The following PLCL2 variants were observed in gnomAD, a reference collection of about 807,000 sequenced individuals.
The protein encoded by PLCL2 is phospholipase C like 2, also known as inactive phospholipase C-like protein 2.
Under a neutral mutation model 79.6 loss-of-function variants are expected in PLCL2, and 4 were observed. The ratio of observed to expected loss-of-function variants is 0.05; its 90% CI spans 0.02 to 0.11. The LOEUF (loss-of-function observed/expected upper bound fraction) is 0.11. PLCL2 is among the 10% of genes least tolerant of loss of function. The pLI, the probability that PLCL2 is intolerant of heterozygous loss-of-function variation, is 1.00. For missense variants in PLCL2, 895 were observed against 1,291.0 expected (o/e 0.69, Z 4.70); for synonymous variants, 484 against 457.7 (o/e 1.06, Z -0.73).
At chr3:16,891,079 T>C (rs1031473243) in intron 1 of PLCL2, among the ~76,000 whole-genome samples, 1 of 152,214 alleles carries the variant, frequency 6.6e-6, no homozygotes, top group Non-Finnish European at 1.5e-5. Flanking sequence ...TCAGCTGGGC[T>C]GCATCCTGTG....
At chr3:16,944,700 A>G (rs988569784) in intron 1 of PLCL2, among the ~76,000 whole-genome samples, 9 of 152,120 alleles carry the variant, frequency 5.9e-5, no homozygotes, top group Non-Finnish European at 1.2e-4. Flanking sequence ...CTGTAAGAAA[A>G]TAAAGTCATG....
chr3:17,014,613 G>A (rs1473901051), intron 2 of PLCL2, 95 bp from the exon 3 acceptor site: 6 of 928,138 alleles, frequency 6.5e-6, no homozygotes, highest in African/African-American at 4.9e-5. Flanking sequence ...TTTGTACCAG[G>A]TGGTTCAAGC....
At chr3:17,016,571 G>C (rs763393612) in intron 3 of PLCL2, among the ~76,000 whole-genome samples, 1 of 152,168 alleles carries the variant, frequency 6.6e-6, no homozygotes, top group Non-Finnish European at 1.5e-5. Context: ...CCATCCTCGG[G>C]GAGCCATCAA....
At chr3:16,997,459 A>T (rs573203987) in intron 1 of PLCL2, among the ~76,000 whole-genome samples, 3 of 152,170 alleles carry the variant, frequency 2.0e-5, no homozygotes, top group African/African-American at 7.2e-5. Context: ...CCTTTTATGT[A>T]ATTCATTATT....
At chr3:16,920,747 G>A (rs1697107117) in intron 1 of PLCL2, among the ~76,000 whole-genome samples, 1 of 152,160 alleles carries the variant, frequency 6.6e-6, no homozygotes, top group Admixed American at 6.5e-5. Flanking sequence ...CTCAAATACT[G>A]TGAATAAATA....
intron 4 of PLCL2, among the ~76,000 whole-genome samples, chr3:17,061,272 G>C (rs1220135375): frequency 6.6e-6 from 1 of 152,072 alleles, no homozygotes; most frequent in Non-Finnish European, 1.5e-5. Flanking sequence ...GCCTCTTTTT[G>C]ATATCTTTTT....
intron 1 of PLCL2, among the ~76,000 whole-genome samples, chr3:16,899,956 T>TGA (rs1242660723): frequency 6.6e-6 from 1 of 152,136 alleles, no homozygotes; most frequent in Non-Finnish European, 1.5e-5. Context: ...TTGAATATCA[T>TGA]GTTTTAGTTT....
At chr3:16,971,456 G>A (rs11128811) in intron 1 of PLCL2, among the ~76,000 whole-genome samples, 61,725 of 151,906 alleles carry the variant, frequency 0.41, 13,374 homozygotes, top group East Asian at 0.56. Flanking sequence ...CTGTAGCCTT[G>A]TAGTATAGTT....
chr3:17,037,175 A>G (rs531805833), intron 3 of PLCL2, among the ~76,000 whole-genome samples: 1 of 152,318 alleles, frequency 6.6e-6, no homozygotes, highest in South Asian at 2.1e-4. Flanking sequence ...CCTGGAGTCC[A>G]GAGAAGCAAG....
intron 1 of PLCL2, among the ~76,000 whole-genome samples, chr3:16,891,968 T>C (rs1420175763): frequency 6.6e-6 from 1 of 152,262 alleles, no homozygotes; most frequent in Non-Finnish European, 1.5e-5. Flanking sequence ...TGTATCTCCA[T>C]ACAGTCCTTC....
chr3:16,897,989 A>T (rs1575516547), intron 1 of PLCL2, among the ~76,000 whole-genome samples: 1 of 149,866 alleles, frequency 6.7e-6, no homozygotes, highest in Admixed American at 6.6e-5. Flanking sequence ...TTTTTAGGTC[A>T]TTTTTTTTTT....
chr3:16,939,387 G>C (rs1434590731), intron 1 of PLCL2, among the ~76,000 whole-genome samples: 3 of 152,204 alleles, frequency 2.0e-5, no homozygotes, highest in Non-Finnish European at 4.4e-5. Flanking sequence ...TCATGGGTAT[G>C]AGCTCTGCTA....
At position 17,011,298 on chromosome 3, in the gene PLCL2, T is replaced by C. The variant is rs1255223648; in HGVS notation, c.1952T>C (p.Val651Ala). ...KYWEVCSFNEVLASKYANENP... is the reference protein window; with the variant it reads ...KYWEVCSFNEALASKYANENP... ...TGGGAAGTCTGTTCCTTTAATGAAG[T>C]GCTTGCCAGCAAGTACGCCAATGAA... The change falls in exon 2 of 6, where the codon GTG becomes GCG. Residue 651 changes from valine to alanine, a missense_variant. Val to Ala is a moderately conservative substitution (Grantham distance 64). Around this residue, in one of 6 missense-constraint regions of PLCL2, gnomAD observed 242 missense variants for 399.5 expected, o/e 0.61. Transcript: ENST00000615277. The surrounding 1 kb of genome is among the most constrained non-coding windows in gnomAD (Gnocchi z 7.9). 6.2e-7 allele frequency: 1 copy of C among 1,614,122 alleles called. No individual in the cohort carries two copies. The highest frequency in any genetic ancestry group is 1.3e-5 in the African/African-American group (1 of 74,944).
chr3:16,913,274 T>C (rs746742700), intron 1 of PLCL2, among the ~76,000 whole-genome samples: 55 of 151,980 alleles, frequency 3.6e-4, no homozygotes, highest in South Asian at 8.3e-4. Context: ...TTACTCTCCC[T>C]CTCCTTTTGG....
intron 1 of PLCL2, among the ~76,000 whole-genome samples, chr3:16,906,237 C>T (rs1696749912): frequency 2.0e-5 from 3 of 152,132 alleles, no homozygotes; most frequent in Non-Finnish European, 4.4e-5. Context: ...AGCATTGTGC[C>T]TGTTGTACCC....
At chr3:17,059,942 A>G (rs1407052074) in intron 4 of PLCL2, among the ~76,000 whole-genome samples, 2 of 152,178 alleles carry the variant, frequency 1.3e-5, no homozygotes, top group African/African-American at 4.8e-5. Context: ...ATCATGCCAA[A>G]CTGTGGGAGA....
intron 1 of PLCL2, among the ~76,000 whole-genome samples, chr3:16,918,523 T>G (rs950027772): frequency 6.6e-6 from 1 of 152,138 alleles, no homozygotes. Context: ...GTATGGAAAG[T>G]CCCCTAATGT....
intron 5 of PLCL2, among the ~76,000 whole-genome samples, chr3:17,083,134 C>G (rs2065180648): frequency 6.6e-6 from 1 of 151,794 alleles, no homozygotes. Flanking sequence ...TAGAGTATGG[C>G]AATAGGTGTT....
At chr3:16,915,925 T>C (rs1025840655) in intron 1 of PLCL2, among the ~76,000 whole-genome samples, 1 of 152,148 alleles carries the variant, frequency 6.6e-6, no homozygotes, top group African/African-American at 2.4e-5. Flanking sequence ...ATAAATAACA[T>C]GAAGAAAGTC....
Sources: gnomAD v4.1 joint callset for allele counts (sites outside exome capture counted in the v4.1 genomes callset) on GRCh38, gnomAD v4.1.1 for gene constraint, gnomAD v4.1.1 regional missense constraint, Gnocchi (gnomAD v3.1) non-coding constraint, MANE v1.5 for transcripts, NCBI Gene and HGNC (gene_info 2026-07-23, HGNC 2026-07-21) for gene names.